Variants in LAMC2 observed in about 807,000 individuals in gnomAD.
LAMC2 encodes laminin subunit gamma 2.
A neutral mutation model predicts 140.2 loss-of-function variants in LAMC2; 97 were observed. That is an observed-to-expected ratio of 0.69 (90% CI 0.59 to 0.82). The LOEUF is 0.82. LAMC2 is among the 40% of genes least tolerant of loss of function. The pLI is 0.00. For missense variants in LAMC2, 1,402 were observed against 1,476.1 expected (o/e 0.95, Z 0.82); for synonymous variants, 513 against 540.2 (o/e 0.95, Z 0.70).
rs769417187 is a variant in LAMC2, at chr1:183,238,436, G to T, written c.2869+15G>T. The T allele has an allele frequency of 1.3e-6, 2 of 1,546,438 alleles. No individual in the cohort carries two copies. Among genetic ancestry groups the T allele is most frequent in the Non-Finnish European group, 1.8e-6 (2 of 1,118,218 alleles). On this transcript the variant is annotated intron_variant, in intron 19 of 22. Coordinates refer to ENST00000264144, the MANE Select transcript of LAMC2 (RefSeq NM_005562.3). ...AAACCTCAGAGGTTAGTACTTCATG[G>T]TTCAGGTCACTTGAGTATTTTAAGT...
intron 1 of LAMC2, among the ~76,000 whole-genome samples, chr1:183,194,913 T>C (rs1658465686): frequency 6.6e-6 from 1 of 152,244 alleles, no homozygotes; most frequent in Non-Finnish European, 1.5e-5. Context: ...TGGAGTTCCA[T>C]GGAGGTGGTT....
Position 183,227,580 on chromosome 1 carries a change from AACGATCCGC to A in LAMC2, c.1356_1364del (p.His454_Pro456del), listed in dbSNP as rs1659664761. Reference sequence around the variant, plus strand: ...TGCTGACTGCCCAATTGGTTTCTACAACGATCCGCACGACCCCCGCAGCTGCAAGCCATG... The same window carrying A: ...TGCTGACTGCCCAATTGGTTTCTACAACGACCCCCGCAGCTGCAAGCCATG... On this transcript the variant is annotated inframe_deletion, in exon 10 of 23. Transcript: ENST00000264144. 2.5e-6 allele frequency: 4 copies of A among 1,614,106 alleles called. No homozygotes were observed. Among genetic ancestry groups the A allele is most frequent in the Non-Finnish European group, 3.4e-6 (4 of 1,180,014 alleles).
chr1:183,235,563 T>G lies in LAMC2; in HGVS notation c.2301-12T>G. On this transcript the variant is annotated splice_polypyrimidine_tract_variant and intron_variant, in intron 15 of 22. Transcript: ENST00000264144. Reference sequence around the variant, plus strand: ...GTGAAAACTCTTATTCTTTTGTTTTTAATCCTTTCAGCCACGTTGAGTCAG... The same window carrying G: ...GTGAAAACTCTTATTCTTTTGTTTTGAATCCTTTCAGCCACGTTGAGTCAG... 6.2e-7 allele frequency: 1 copy of G among 1,614,160 alleles called. No homozygotes were observed. Among genetic ancestry groups the G allele is most frequent in the Non-Finnish European group, 8.5e-7 (1 of 1,179,986 alleles).
At chr1:183,256,124 C>G in the LAMC2 span, among the ~76,000 whole-genome samples, 1 of 151,914 alleles carries the variant, frequency 6.6e-6, no homozygotes, top group Non-Finnish European at 1.5e-5. Flanking sequence ...AATAAATTGC[C>G]TTGCCGGGAG....
At position 183,228,855 on chromosome 1, in the gene LAMC2, A is replaced by G. The variant is rs1040663610; in HGVS notation, c.1714+236A>G. Among the ~76,000 whole-genome samples, 1 of 152,174 alleles carries G rather than the reference A, an allele frequency of 6.6e-6. No individual in the cohort carries two copies. Among genetic ancestry groups the G allele is most frequent in the African/African-American group, 2.4e-5 (1 of 41,438 alleles). On this transcript the variant is annotated intron_variant, in intron 11 of 22. Transcript: ENST00000264144. The surrounding 1 kb of genome is among the most constrained non-coding windows in gnomAD (Gnocchi z 4.3). ...GGTTAAAGCTGGGTGGGAGAAGTGA[A>G]AAAGGTCAGGTTTACATTCCTACGC...
At chr1:183,239,933 C>T (rs1208312168) in intron 20 of LAMC2, 107 bp from the exon 21 acceptor site, 1 of 1,212,120 alleles carries the variant, frequency 8.3e-7, no homozygotes, top group African/African-American at 1.5e-5. Flanking sequence ...CTAATTTACT[C>T]CATCAGGGCC....
chr1:183,235,668 T>A lies in LAMC2; in HGVS notation c.2394T>A (p.His798Gln), dbSNP rs781376405. The A allele has an allele frequency of 3.1e-6, 5 of 1,614,092 alleles. No homozygotes were observed. The highest frequency in any genetic ancestry group is 4.2e-6 in the Non-Finnish European group (5 of 1,180,034). ...TCTCACTGGTGCGCAAGGCCCTGCA[T>A]GAAGGAGTCGGAAGCGGAAGCGGTA... ...QALSLVRKAL[H>Q]EGVGSGSGSP... The change falls in exon 16 of 23, where the codon CAT (histidine) becomes CAA (glutamine). Residue 798 changes from histidine (H) to glutamine (Q), a missense_variant. Physicochemically the swap from His to Gln is conservative, Grantham distance 24. This residue lies in a region of LAMC2 where 670 missense variants were observed against 667.2 expected (regional missense o/e 1.00). Coordinates refer to ENST00000264144, the MANE Select transcript of LAMC2 (RefSeq NM_005562.3).
At position 183,226,795 on chromosome 1, in the gene LAMC2, C is replaced by A; in HGVS notation, c.1164C>A (p.Tyr388Ter). 1 of 1,614,172 alleles carries A rather than the reference C, an allele frequency of 6.2e-7. No homozygotes were observed. Reference protein sequence around the residue: ...WVEQCICPVGYKGQFCQDCAS... With the variant: ...WVEQCICPVG ...AACAGTGTATATGTCCTGTTGGGTACAAGGGGCAATTCTGCCAGGATTGTG... is the reference window on the plus strand; with the variant it reads ...AACAGTGTATATGTCCTGTTGGGTAAAAGGGGCAATTCTGCCAGGATTGTG... The change falls in exon 9 of 23, where the codon TAC becomes TAA. Residue 388 changes from tyrosine to a stop codon, truncating the protein, a stop_gained. Transcript: ENST00000264144. LOFTEE classifies it high-confidence loss of function.
Position 183,228,280 on chromosome 1 carries a change from C to T in LAMC2, c.1469-94C>T, listed in dbSNP as rs1466743427. The T allele has an allele frequency of 2.0e-6, 3 of 1,535,232 alleles. No individual in the cohort carries two copies. The highest frequency in any genetic ancestry group is 9.0e-7 in the Non-Finnish European group (1 of 1,112,166). On this transcript the variant is annotated intron_variant, in intron 10 of 22. Transcript: ENST00000264144. The surrounding 1 kb of genome is among the most constrained non-coding windows in gnomAD (Gnocchi z 4.3). ...TCCCTAGGGAAGCACATTTCTCTGG[C>T]TCTTCTAGAGGGTGACTCGCAACTT...
In LAMC2 at chr1:183,219,250, G is replaced by T. The variant is rs369061330; in HGVS notation, c.503+762G>T. Among the ~76,000 whole-genome samples, 5 of 152,362 alleles carry T rather than the reference G, an allele frequency of 3.3e-5. No individual in the cohort carries two copies. The East Asian group carries it at 9.6e-4, about 29-fold the overall frequency. On this transcript the variant is annotated intron_variant, in intron 4 of 22. Transcript: ENST00000264144. ...GCCAGTCACTTATACCTGCACAGAGGAAATGTCAAATACACTCCTAGCTTG... is the reference window on the plus strand; with the variant it reads ...GCCAGTCACTTATACCTGCACAGAGTAAATGTCAAATACACTCCTAGCTTG...
At chr1:183,256,247 A>G in the LAMC2 span, among the ~76,000 whole-genome samples, 1 of 151,868 alleles carries the variant, frequency 6.6e-6, no homozygotes, top group East Asian at 1.9e-4. Context: ...CTCTACCAAA[A>G]ATACACAAAA....
intron 20 of LAMC2, 39 bp from the exon 21 acceptor site, chr1:183,240,000 CT>C (rs754570503): frequency 1.2e-6 from 2 of 1,613,102 alleles, no homozygotes; most frequent in East Asian, 4.5e-5. Context: ...TGCCTCACCC[CT>C]ATCTCTCCTT....
In LAMC2 at chr1:183,243,548, C is replaced by A; in HGVS notation, c.*148C>A. 2 of 956,018 alleles carry A rather than the reference C, an allele frequency of 2.1e-6. No homozygotes were observed. Among genetic ancestry groups the A allele is most frequent in the Non-Finnish European group, 3.3e-6 (2 of 609,812 alleles). 59.2% of individuals were successfully genotyped at this position (956,018 alleles called of 1,614,324 possible). A position where few individuals can be genotyped will look rare whatever the true frequency, so the allele number is the denominator to read the frequency against. On this transcript the variant is annotated 3_prime_UTR_variant, in exon 23 of 23. Transcript: ENST00000264144. ...ACTGACCTGACCCCATTCCTGATCC[C>A]ATGGCCAGGTGGTTGTCTTATTGCA...
chr1:183,257,582 C>T, the LAMC2 span, among the ~76,000 whole-genome samples: 1 of 152,202 alleles, frequency 6.6e-6, no homozygotes, highest in Non-Finnish European at 1.5e-5. Context: ...TCAGGCTATT[C>T]CTGATTCAAT....
the LAMC2 span, chr1:183,250,164 T>C: frequency 6.6e-6 from 1 of 152,242 alleles, no homozygotes; most frequent in Non-Finnish European, 1.5e-5. Flanking sequence ...CTGTTTTCCT[T>C]TGTTTCATTT....
At chr1:183,224,111 G>T (rs1659556744) in intron 7 of LAMC2, among the ~76,000 whole-genome samples, 1 of 152,160 alleles carries the variant, frequency 6.6e-6, no homozygotes. Flanking sequence ...CTTGGAAAGT[G>T]CCCGATTCTG....
chr1:183,196,978 T>C (rs1324246230), intron 1 of LAMC2, among the ~76,000 whole-genome samples: 1 of 152,180 alleles, frequency 6.6e-6, no homozygotes, highest in Non-Finnish European at 1.5e-5. Flanking sequence ...ACCATGATAG[T>C]CCTTGTAGGC....
intron 1 of LAMC2, among the ~76,000 whole-genome samples, chr1:183,189,397 C>T (rs1266352943): frequency 6.6e-6 from 1 of 152,068 alleles, no homozygotes; most frequent in Non-Finnish European, 1.5e-5. Flanking sequence ...CGAGACCAGC[C>T]TGGGCAACAT....
At chr1:183,188,822 G>A (rs1319759851) in intron 1 of LAMC2, among the ~76,000 whole-genome samples, 1 of 152,234 alleles carries the variant, frequency 6.6e-6, no homozygotes, top group African/African-American at 2.4e-5. Flanking sequence ...CAGGAGGTAT[G>A]ACTGGAGAAG....
Sources: gnomAD v4.1 joint callset for allele counts (sites outside exome capture counted in the v4.1 genomes callset) on GRCh38, gnomAD v4.1.1 for gene constraint, gnomAD v4.1.1 regional missense constraint, Gnocchi (gnomAD v3.1) non-coding constraint, MANE v1.5 for transcripts, NCBI Gene and HGNC (gene_info 2026-07-23, HGNC 2026-07-21) for gene names.